Variants in TTC17 observed in about 807,000 individuals in gnomAD.
TTC17 encodes the protein tetratricopeptide repeat domain 17.
Under a neutral mutation model 143.8 loss-of-function variants are expected in TTC17, and 58 were observed. The observed-to-expected ratio is 0.40, with a 90% CI of 0.33 to 0.50. The LOEUF is 0.50. TTC17 is among the 20% of genes least tolerant of loss of function. The pLI is 0.49. For synonymous variants in TTC17, 501 were observed against 497.8 expected, an observed-to-expected ratio of 1.01 and a Z score of -0.09; for missense variants, 1,273 against 1,392.5, an observed-to-expected ratio of 0.91 and a Z score of 1.37.
chr11:43,371,524 T>C (rs1210667274), intron 1 of TTC17, among the ~76,000 whole-genome samples: 1 of 152,084 alleles, frequency 6.6e-6, no homozygotes, highest in African/African-American at 2.4e-5. Flanking sequence ...AGAACTTCCA[T>C]GCCCTCTCCA....
At chr11:43,420,106 T>G (rs1946867418) in intron 16 of TTC17, among the ~76,000 whole-genome samples, 1 of 152,198 alleles carries the variant, frequency 6.6e-6, no homozygotes, top group Non-Finnish European at 1.5e-5. Context: ...TAACATGTGA[T>G]AGAGGAGAGA....
chr11:43,389,152 G>T (rs1245701482), intron 2 of TTC17, among the ~76,000 whole-genome samples: 4 of 149,210 alleles, frequency 2.7e-5, no homozygotes, highest in African/African-American at 9.8e-5. Flanking sequence ...AAAAAAAAAA[G>T]GGTGGAGGGG....
At chr11:43,456,441 G>A (rs912492916) in intron 21 of TTC17, among the ~76,000 whole-genome samples, 4 of 152,154 alleles carry the variant, frequency 2.6e-5, no homozygotes, top group African/African-American at 9.7e-5. Context: ...CAAGAATTTA[G>A]TCAAATAACA....
At chr11:43,388,241 G>A (rs1312033504) in intron 2 of TTC17, among the ~76,000 whole-genome samples, 1 of 152,092 alleles carries the variant, frequency 6.6e-6, no homozygotes, top group African/African-American at 2.4e-5. Context: ...GAAAAATTTA[G>A]AGCTATCCTG....
chr11:43,396,669 T>C, intron 5 of TTC17, 40 bp from the exon 6 acceptor site: 1 of 1,277,738 alleles, frequency 7.8e-7, no homozygotes. Context: ...AGTTAAACTG[T>C]CTTGAGTCGT....
chr11:43,462,980 A>G lies in TTC17; in HGVS notation c.3030+11715A>G, dbSNP rs188545785. Among the ~76,000 whole-genome samples, 105 of 138,284 alleles carry G rather than the reference A, an allele frequency of 7.6e-4. 1 individual carries two copies. The East Asian group carries it at 0.014, about 19-fold the overall frequency. The allele number at this position is 138,284 out of a possible 152,430, so 90.7% of individuals were successfully genotyped here. On this transcript the variant is annotated intron_variant, in intron 21 of 23. Coordinates refer to ENST00000039989, the MANE Select transcript of TTC17 (RefSeq NM_018259.6). ...GCCCAGGCTGAAGTGCAGTGGTGCT[A>G]TCTTGGCTCACTGCAACCTCTGCCT...
intron 16 of TTC17, among the ~76,000 whole-genome samples, chr11:43,420,549 G>T (rs145337012): frequency 3.9e-5 from 6 of 152,106 alleles, no homozygotes; most frequent in African/African-American, 1.4e-4. Flanking sequence ...TCTATTTTAC[G>T]TGGAAGATGT....
chr11:43,448,010 C>T lies in TTC17; in HGVS notation c.2674C>T (p.Arg892Cys), dbSNP rs142621657. 1.3e-4 allele frequency: 215 copies of T among 1,613,622 alleles called. 2 individuals are homozygous for T. The East Asian group carries it at 4.3e-3, about 32-fold the overall frequency. Residue 892 changes from arginine to cysteine, a missense_variant, in exon 19 of 24, where the codon CGT (arginine) becomes TGT (cysteine). By Grantham distance (180) the Arg-to-Cys change is radical. Around this residue, in one of 3 missense-constraint regions of TTC17, gnomAD observed 878 missense variants for 899.8 expected, o/e 0.98. Transcript: ENST00000039989. ...VASPGPQGKK[R>C]DYQRLGWPSP... ...GCATACTTTCCTTCCAGGAAAAAAA[C>T]GTGACTACCAGCGTCTGGGATGGCC... is the stretch of plus-strand genomic sequence containing the variant.
At chr11:43,450,268 T>A in intron 20 of TTC17, 27 bp downstream of exon 20, 1 of 1,596,850 alleles carries the variant, frequency 6.3e-7, no homozygotes, top group South Asian at 1.1e-5. Context: ...GTTCAGGCTG[T>A]TTTTTAGCCT....
intron 21 of TTC17, among the ~76,000 whole-genome samples, chr11:43,474,954 A>G (rs1341821970): frequency 1.3e-5 from 2 of 152,184 alleles, no homozygotes; most frequent in Non-Finnish European, 2.9e-5. Context: ...TAGGCTGAGG[A>G]GTAGGAACGG....
At chr11:43,468,574 G>T (rs544058459) in intron 21 of TTC17, among the ~76,000 whole-genome samples, 3 of 152,216 alleles carry the variant, frequency 2.0e-5, no homozygotes, top group African/African-American at 7.2e-5. Flanking sequence ...TAAGTTCTTG[G>T]TGTAGGCAGA....
intron 2 of TTC17, among the ~76,000 whole-genome samples, chr11:43,388,156 A>C (rs1435274192): frequency 6.6e-6 from 1 of 150,744 alleles, no homozygotes; most frequent in African/African-American, 2.4e-5. Context: ...AATAGCAAAG[A>C]AAGTTTTTCT....
At position 43,494,402 on chromosome 11, in the gene TTC17, G is replaced by A. The variant is rs1316547566; in HGVS notation, c.*498G>A. 4 of 153,070 alleles carry A rather than the reference G, an allele frequency of 2.6e-5. No individual in the cohort carries two copies. Among genetic ancestry groups the A allele is most frequent in the Admixed American group, 6.5e-5 (1 of 15,460 alleles). The allele number at this position is 153,070 out of a possible 1,614,324, so 9.5% of individuals were successfully genotyped here. A position where few individuals can be genotyped will look rare whatever the true frequency, so the allele number is the denominator to read the frequency against. ...AGACCTCCATGCTGTCCCCAGTCTT[G>A]TCCATTCCATGCTGCTGTGTTACAA... On this transcript the variant is annotated 3_prime_UTR_variant, in exon 24 of 24. Coordinates refer to ENST00000039989, the MANE Select transcript of TTC17 (RefSeq NM_018259.6).
At chr11:43,377,659 G>T (rs1856813404) in intron 1 of TTC17, among the ~76,000 whole-genome samples, 1 of 152,064 alleles carries the variant, frequency 6.6e-6, no homozygotes, top group Non-Finnish European at 1.5e-5. Context: ...TGCCTCCTCT[G>T]TATCTTTGCT....
At chr11:43,380,246 TTTTTGTTTTG>T (rs965077141) in intron 2 of TTC17, among the ~76,000 whole-genome samples, 3 of 152,048 alleles carry the variant, frequency 2.0e-5, no homozygotes, top group Non-Finnish European at 2.9e-5. Context: ...GCATACCTGT[TTTTTGTTTTG>T]TTTTGTTTTG....
intron 21 of TTC17, among the ~76,000 whole-genome samples, chr11:43,462,313 A>G (rs1947884070): frequency 6.6e-6 from 1 of 152,200 alleles, no homozygotes. Context: ...TGCAGATAAA[A>G]TTGAGGATCT....
At chr11:43,479,519 C>G (rs1948247188) in intron 21 of TTC17, among the ~76,000 whole-genome samples, 1 of 152,154 alleles carries the variant, frequency 6.6e-6, no homozygotes, top group Non-Finnish European at 1.5e-5. Flanking sequence ...AATGAATCAA[C>G]AGACTTAGGA....
At chr11:43,475,814 ATGT>A (rs1456014818) in intron 21 of TTC17, among the ~76,000 whole-genome samples, 4 of 152,220 alleles carry the variant, frequency 2.6e-5, no homozygotes, top group Non-Finnish European at 4.4e-5. Flanking sequence ...ATTTTCAATA[ATGT>A]TGTTAATGAT....
chr11:43,472,155 G>T (rs376430523), intron 21 of TTC17, among the ~76,000 whole-genome samples: 6 of 152,258 alleles, frequency 3.9e-5, no homozygotes, highest in African/African-American at 1.4e-4. Flanking sequence ...CCAGGAGTTT[G>T]AGAATAGCCT....
Sources: gnomAD v4.1 joint callset for allele counts (sites outside exome capture counted in the v4.1 genomes callset) on GRCh38, gnomAD v4.1.1 for gene constraint, gnomAD v4.1.1 regional missense constraint, MANE v1.5 for transcripts, NCBI Gene and HGNC (gene_info 2026-07-23, HGNC 2026-07-21) for gene names.